The following AKAP19 variants were observed in gnomAD, a reference collection of about 807,000 sequenced individuals.
The protein encoded by AKAP19 is small A-kinase anchoring protein.
At chr2:189,960,900 T>A in the AKAP19 span, among the ~76,000 whole-genome samples, 1 of 152,342 alleles carries the variant, frequency 6.6e-6, no homozygotes, top group South Asian at 2.1e-4. Flanking sequence ...AGACTATTGG[T>A]TAACTCTGAC....
the AKAP19 span, among the ~76,000 whole-genome samples, chr2:190,004,545 CTTT>C: frequency 2.6e-5 from 4 of 151,536 alleles, no homozygotes; most frequent in African/African-American, 9.7e-5. Context: ...CTATTTTCTT[CTTT>C]TGTGTCAACA....
the AKAP19 span, among the ~76,000 whole-genome samples, chr2:190,156,111 T>G: frequency 6.6e-6 from 1 of 152,064 alleles, no homozygotes; most frequent in South Asian, 2.1e-4. Context: ...GCTTTGGTTT[T>G]GGCTTAAAAA....
At chr2:190,104,130 C>A in the AKAP19 span, among the ~76,000 whole-genome samples, 1 of 152,136 alleles carries the variant, frequency 6.6e-6, no homozygotes, top group Admixed American at 6.5e-5. Context: ...AGCTGGCTAG[C>A]CATATGCGGA....
the AKAP19 span, among the ~76,000 whole-genome samples, chr2:190,128,489 A>C: frequency 6.6e-6 from 1 of 152,228 alleles, no homozygotes; most frequent in Non-Finnish European, 1.5e-5. Flanking sequence ...ACGGAGAAGG[A>C]GAGGGAGTGC....
chr2:190,023,361 G>A, the AKAP19 span, among the ~76,000 whole-genome samples: 1 of 152,020 alleles, frequency 6.6e-6, no homozygotes, highest in Admixed American at 6.6e-5. Context: ...TTTCCAGGGT[G>A]TTAATTTTAC....
chr2:190,044,454 G>A, the AKAP19 span, among the ~76,000 whole-genome samples: 1 of 152,190 alleles, frequency 6.6e-6, no homozygotes, highest in Non-Finnish European at 1.5e-5. Flanking sequence ...TGTTTGAGGT[G>A]TGGATAAGAC....
the AKAP19 span, among the ~76,000 whole-genome samples, chr2:190,098,697 C>G: frequency 6.6e-6 from 1 of 152,208 alleles, no homozygotes. Flanking sequence ...ATCGACTTCT[C>G]CTCTCTAGCT....
chr2:190,164,699 T>C, the AKAP19 span, among the ~76,000 whole-genome samples: 28,761 of 152,200 alleles, frequency 0.19, 2,862 homozygotes, highest in Admixed American at 0.27. Context: ...CAAATATATT[T>C]AATCTGATAT....
At chr2:190,078,754 A>G in the AKAP19 span, among the ~76,000 whole-genome samples, 1 of 152,232 alleles carries the variant, frequency 6.6e-6, no homozygotes, top group African/African-American at 2.4e-5. Flanking sequence ...AAATTTTTAA[A>G]TATGCCGTTG....
the AKAP19 span, among the ~76,000 whole-genome samples, chr2:189,965,379 C>T: frequency 1.3e-5 from 2 of 151,772 alleles, no homozygotes; most frequent in African/African-American, 2.4e-5. Flanking sequence ...GATGTACAGT[C>T]AAAGTGAGCA....
At chr2:190,095,694 A>G in the AKAP19 span, 1 of 152,210 alleles carries the variant, frequency 6.6e-6, no homozygotes, top group Non-Finnish European at 1.5e-5. Flanking sequence ...AGAAACATAT[A>G]TGGTGGGAAC....
At chr2:190,194,465 G>C in the AKAP19 span, among the ~76,000 whole-genome samples, 1 of 141,132 alleles carries the variant, frequency 7.1e-6, no homozygotes, top group African/African-American at 2.8e-5. Flanking sequence ...GTGTTCCCAC[G>C]TATCCTGTGT....
chr2:190,024,310 A>G, the AKAP19 span, among the ~76,000 whole-genome samples: 78 of 150,892 alleles, frequency 5.2e-4, 2 homozygotes, highest in South Asian at 8.6e-3. Flanking sequence ...CAGTATATAT[A>G]TATATATGTG....
At chr2:190,166,638 T>C in the AKAP19 span, among the ~76,000 whole-genome samples, 1 of 152,202 alleles carries the variant, frequency 6.6e-6, no homozygotes, top group Non-Finnish European at 1.5e-5. Flanking sequence ...ATATAAGTTA[T>C]CACATTAACA....
the AKAP19 span, among the ~76,000 whole-genome samples, chr2:190,000,452 T>G: frequency 6.6e-6 from 1 of 152,210 alleles, no homozygotes; most frequent in Non-Finnish European, 1.5e-5. Flanking sequence ...CAGAATTCAT[T>G]TCCTTGCTAT....
the AKAP19 span, among the ~76,000 whole-genome samples, chr2:190,173,968 C>T: frequency 3.4e-4 from 52 of 152,164 alleles, no homozygotes; most frequent in Non-Finnish European, 6.8e-4. Context: ...CTGCTCTGTC[C>T]TTAGTCACCT....
At chr2:190,159,869 T>G in the AKAP19 span, among the ~76,000 whole-genome samples, 1 of 152,216 alleles carries the variant, frequency 6.6e-6, no homozygotes, top group African/African-American at 2.4e-5. Flanking sequence ...TTTTAACTTT[T>G]GAAACTGCTG....
chr2:189,880,854 A>C, the AKAP19 span, among the ~76,000 whole-genome samples: 3 of 152,204 alleles, frequency 2.0e-5, no homozygotes, highest in African/African-American at 7.2e-5. Flanking sequence ...AAATACCAGT[A>C]ATGATACTAA....
At chr2:190,193,754 T>TAA in the AKAP19 span, among the ~76,000 whole-genome samples, 3 of 152,178 alleles carry the variant, frequency 2.0e-5, no homozygotes, top group South Asian at 6.2e-4. Context: ...TAGATCTTTT[T>TAA]AAAGAACCAG....
Sources: gnomAD v4.1 joint callset for allele counts (sites outside exome capture counted in the v4.1 genomes callset) on GRCh38, gnomAD v4.1.1 for gene constraint, MANE v1.5 for transcripts, NCBI Gene and HGNC (gene_info 2026-07-23, HGNC 2026-07-21) for gene names.